Variants in MYLK observed in about 807,000 individuals in gnomAD.
MYLK encodes the protein myosin light chain kinase, smooth muscle.
Under a neutral mutation model 203.4 loss-of-function variants are expected in MYLK, and 106 were observed. That is an observed-to-expected ratio of 0.52 (90% confidence interval 0.45 to 0.61). The LOEUF (loss-of-function observed/expected upper bound fraction) is 0.61. Among genes scored for constraint, MYLK ranks in the 20% least tolerant of loss-of-function variants. The probability of loss-of-function intolerance (pLI) is 0.00; values close to 1 mark genes in which losing one functional copy is unlikely to be tolerated. For synonymous variants in MYLK, 867 were observed against 959.5 expected (o/e 0.90, Z 1.78); for missense variants, 2,072 against 2,442.3 (o/e 0.85, Z 3.20).
chr3:123,832,330 A>C (rs2682212), intron 2 of MYLK, among the ~76,000 whole-genome samples: 25,089 of 152,160 alleles, frequency 0.16, 2,236 homozygotes, highest in South Asian at 0.22. Flanking sequence ...CCTCTGAGGG[A>C]AAATCTCACT....
chr3:123,770,474 C>A (rs967782614), intron 4 of MYLK, among the ~76,000 whole-genome samples: 3 of 152,190 alleles, frequency 2.0e-5, no homozygotes, highest in African/African-American at 7.2e-5. Context: ...CATTATTTAA[C>A]CTTAAGCCAT....
At position 123,701,428 on chromosome 3, in the gene MYLK, G is replaced by A. The variant is rs1172940794; in HGVS notation, c.2462+10C>T. ...CATGGCCTGGAGGGGCAGCTCCTGG[G>A]GGCACTCACCGTGGAAGGGCTCTGG... On this transcript the variant is annotated intron_variant, in intron 17 of 33. Coordinates refer to ENST00000360304, the MANE Select transcript of MYLK (RefSeq NM_053025.4). The A allele has an allele frequency of 6.2e-7, 1 of 1,613,916 alleles. No individual in the cohort carries two copies. The highest frequency in any genetic ancestry group is 8.5e-7 in the Non-Finnish European group (1 of 1,179,944).
chr3:123,731,781 T>TAC (rs1473683461), intron 11 of MYLK, among the ~76,000 whole-genome samples: 1 of 18,060 alleles, frequency 5.5e-5, no homozygotes, highest in Non-Finnish European at 6.4e-4. Flanking sequence ...CAGATGAACT[T>TAC]ATAAAAAAAA....
intron 3 of MYLK, 148 bp from the exon 4 acceptor site, chr3:123,793,992 G>C (rs1380817261): frequency 2.3e-5 from 19 of 815,064 alleles, no homozygotes; most frequent in Middle Eastern, 5.8e-4. Context: ...CAGCTCCTCT[G>C]TGAAGATGAG....
chr3:123,805,597 G>A (rs933997716), intron 3 of MYLK, among the ~76,000 whole-genome samples: 1 of 152,130 alleles, frequency 6.6e-6, no homozygotes, highest in African/African-American at 2.4e-5. Flanking sequence ...ACACAGCTGG[G>A]GTAACCACCA....
intron 4 of MYLK, among the ~76,000 whole-genome samples, chr3:123,776,304 A>T (rs2064075790): frequency 6.6e-6 from 1 of 152,084 alleles, no homozygotes; most frequent in African/African-American, 2.4e-5. Flanking sequence ...GGGCCATGAA[A>T]ACTGGTGCTA....
chr3:123,735,666 C>A, intron 8 of MYLK: 1 of 499,432 alleles, frequency 2.0e-6, no homozygotes, highest in Non-Finnish European at 3.6e-6. Flanking sequence ...GAATCTGTTT[C>A]TGTTCACTAA....
intron 11 of MYLK, among the ~76,000 whole-genome samples, chr3:123,729,089 C>A (rs2062392987): frequency 6.6e-6 from 1 of 152,132 alleles, no homozygotes; most frequent in South Asian, 2.1e-4. Context: ...TTGTGCAGGG[C>A]TGTGAGCCTG....
chr3:123,807,312 C>T (rs1332394304), intron 3 of MYLK, among the ~76,000 whole-genome samples: 1 of 151,940 alleles, frequency 6.6e-6, no homozygotes, highest in Non-Finnish European at 1.5e-5. Context: ...GCCTGTAATC[C>T]CAGCTACTCT....
In MYLK at chr3:123,700,104, A is replaced by T; in HGVS notation, c.3364T>A (p.Ser1122Thr). ...ATGATGGTGGCTGGGGGGTCAGAAG[A>T]CACCTGGCACTGGAGCAGCAGCTTC... Reference protein sequence around the residue: ...GKKLLLQCQVSSDPPATIIWT... With the variant: ...GKKLLLQCQVTSDPPATIIWT... The change falls in exon 18 of 34, where the codon TCT becomes ACT. Residue 1122 changes from serine to threonine, a missense_variant. By Grantham distance (58) the Ser-to-Thr change is moderately conservative. Coordinates refer to ENST00000360304, the MANE Select transcript of MYLK (RefSeq NM_053025.4). The T allele has an allele frequency of 6.2e-7, 1 of 1,613,832 alleles. No homozygotes were observed. The highest frequency in any genetic ancestry group is 8.5e-7 in the Non-Finnish European group (1 of 1,179,962).
chr3:123,621,162 G>A (rs951153353), intron 31 of MYLK: 15 of 152,284 alleles, frequency 9.9e-5, no homozygotes, highest in Middle Eastern at 3.4e-3. Flanking sequence ...TTTACATTGC[G>A]AAAATTCTAC....
chr3:123,740,577 G>A (rs937020719), intron 5 of MYLK, among the ~76,000 whole-genome samples: 6 of 152,232 alleles, frequency 3.9e-5, no homozygotes, highest in Admixed American at 6.5e-5. Context: ...GAGCTACAGC[G>A]GAGCCAGCAG....
At position 123,722,263 on chromosome 3, in the gene MYLK, C is replaced by G. The variant is rs143403855; in HGVS notation, c.1669G>C (p.Ala557Pro). The change falls in exon 13 of 34, where the codon GCT becomes CCT. Residue 557 changes from alanine to proline, a missense_variant. Ala to Pro is a conservative substitution (Grantham distance 27, BLOSUM62 -1). Transcript: ENST00000360304. Reference sequence around the variant, plus strand: ...ACGCCGGCCTCGCAGGTGGAGCGAGCGTACTGGATGGGCTGCCCTGTGGAG... The same window carrying G: ...ACGCCGGCCTCGCAGGTGGAGCGAGGGTACTGGATGGGCTGCCCTGTGGAG... ...WLLNGQPIQY[A>P]RSTCEAGVAE... 1 of 1,569,852 alleles carries G rather than the reference C, an allele frequency of 6.4e-7. No homozygotes were observed. Among genetic ancestry groups the G allele is most frequent in the East Asian group, 2.4e-5 (1 of 42,426 alleles).
At chr3:123,616,547 A>C (rs1174679765) in intron 33 of MYLK, 1 of 152,108 alleles carries the variant, frequency 6.6e-6, no homozygotes, top group Non-Finnish European at 1.5e-5. Flanking sequence ...TTTTTATAGG[A>C]AAAAAATTGT....
chr3:123,841,933 A>G (rs1398286280), intron 2 of MYLK, among the ~76,000 whole-genome samples: 1 of 152,216 alleles, frequency 6.6e-6, no homozygotes, highest in African/African-American at 2.4e-5. Context: ...ATCTTCTGGT[A>G]TACTGTTGTG....
chr3:123,639,097 T>C (rs2058742923), intron 28 of MYLK: 1 of 981,138 alleles, frequency 1.0e-6, no homozygotes, highest in Non-Finnish European at 1.2e-6. Flanking sequence ...AGCTGGACAT[T>C]GTGTTCCCTG....
intron 4 of MYLK, among the ~76,000 whole-genome samples, chr3:123,765,122 G>A (rs2063661937): frequency 6.6e-6 from 1 of 152,190 alleles, no homozygotes; most frequent in Non-Finnish European, 1.5e-5. Flanking sequence ...CACTGCTGGT[G>A]GAAATGTAAA....
At chr3:123,620,120 A>AG in intron 32 of MYLK, 87 bp downstream of exon 32, 1 of 1,190,356 alleles carries the variant, frequency 8.4e-7, no homozygotes, top group Non-Finnish European at 1.2e-6. Context: ...AAAAAAAAAA[A>AG]GAACAAAACC....
intron 12 of MYLK, among the ~76,000 whole-genome samples, chr3:123,723,179 T>C (rs1203827444): frequency 6.6e-6 from 1 of 151,344 alleles, no homozygotes; most frequent in Non-Finnish European, 1.5e-5. Flanking sequence ...AGGGTCCTGG[T>C]TTGCACTTCA....
Sources: allele counts gnomAD v4.1 joint callset (sites outside exome capture counted in the v4.1 genomes callset), GRCh38; gene constraint gnomAD v4.1.1; transcripts MANE v1.5; gene names NCBI Gene and HGNC (gene_info 2026-07-23, HGNC 2026-07-21).